Variants in ADCY10 observed in about 807,000 individuals in gnomAD.
ADCY10 encodes adenylate cyclase type 10.
ADCY10 carries 156 observed loss-of-function variants against 183.3 expected under a neutral mutation model. That is an observed-to-expected ratio of 0.85 (90% CI 0.75 to 0.97). ADCY10 has a LOEUF of 0.97. Ranked by LOEUF, ADCY10 falls within the 50% of genes least tolerant of loss-of-function variation. The pLI, the probability that ADCY10 is intolerant of heterozygous loss-of-function variation, is 0.00. For missense variants in ADCY10, 1,745 were observed against 1,934.3 expected, an observed-to-expected ratio of 0.90 and a Z score of 1.84; for synonymous variants, 645 against 670.0, an observed-to-expected ratio of 0.96 and a Z score of 0.58.
intron 14 of ADCY10, among the ~76,000 whole-genome samples, chr1:167,863,543 G>C (rs553878014): frequency 3.2e-4 from 48 of 152,156 alleles, no homozygotes; most frequent in Non-Finnish European, 6.5e-4. Context: ...CGGTGTCTGA[G>C]GGGTTTTGTC....
intron 2 of ADCY10, 82 bp from the exon 3 acceptor site, chr1:167,904,073 G>A (rs948325276): frequency 1.7e-5 from 14 of 834,628 alleles, no homozygotes; most frequent in African/African-American, 3.5e-5. Flanking sequence ...GGAAGGCAGC[G>A]GGCCTCAGCT....
intron 14 of ADCY10, among the ~76,000 whole-genome samples, chr1:167,865,861 A>T (rs187741470): frequency 2.1e-3 from 327 of 152,334 alleles, no homozygotes; most frequent in Non-Finnish European, 4.1e-3. Flanking sequence ...CCAGTCCACC[A>T]GGCGTGGGCT....
At chr1:167,834,177 G>A in intron 23 of ADCY10, 100 bp from the exon 24 acceptor site, 1 of 875,544 alleles carries the variant, frequency 1.1e-6, no homozygotes, top group Non-Finnish European at 1.9e-6. Context: ...AGATGCAGGA[G>A]CCATTTCAGT....
chr1:167,867,764 C>A (rs139876643), intron 14 of ADCY10, among the ~76,000 whole-genome samples: 43 of 151,230 alleles, frequency 2.8e-4, no homozygotes, highest in Middle Eastern at 6.8e-3. Flanking sequence ...GAATAAGATG[C>A]GGTTCTTTAA....
chr1:167,826,234 A>G (rs1192729485), intron 26 of ADCY10, among the ~76,000 whole-genome samples: 1 of 152,222 alleles, frequency 6.6e-6, no homozygotes, highest in Non-Finnish European at 1.5e-5. Context: ...GTGGGGGAAG[A>G]GAGAAGTGTT....
chr1:167,812,352 C>CA (rs1305150994), intron 31 of ADCY10, among the ~76,000 whole-genome samples: 1 of 152,154 alleles, frequency 6.6e-6, no homozygotes, highest in African/African-American at 2.4e-5. Context: ...CTAGGACATT[C>CA]AAAAGCAACT....
chr1:167,898,624 A>G (rs1669175549), intron 6 of ADCY10, among the ~76,000 whole-genome samples: 1 of 151,878 alleles, frequency 6.6e-6, no homozygotes, highest in Non-Finnish European at 1.5e-5. Flanking sequence ...AGAATGATTG[A>G]AGAGCATGGG....
chr1:167,833,710 A>C (rs1571249500), intron 24 of ADCY10, among the ~76,000 whole-genome samples: 2 of 149,228 alleles, frequency 1.3e-5, no homozygotes, highest in East Asian at 4.0e-4. Flanking sequence ...ACGCCACTGT[A>C]TTCCAGGCTG....
intron 2 of ADCY10, chr1:167,904,691 G>C: frequency 1.7e-6 from 1 of 601,538 alleles, no homozygotes; most frequent in Non-Finnish European, 2.9e-6. Flanking sequence ...ACTGGGATGT[G>C]TATGGGGCTT....
intron 12 of ADCY10, among the ~76,000 whole-genome samples, chr1:167,877,950 C>T (rs1315530135): frequency 6.6e-6 from 1 of 152,180 alleles, no homozygotes. Context: ...TTTTGAACAT[C>T]ACCATGAAAA....
At chr1:167,869,774 G>C (rs1173890128) in intron 14 of ADCY10, among the ~76,000 whole-genome samples, 2 of 152,012 alleles carry the variant, frequency 1.3e-5, no homozygotes, top group Non-Finnish European at 2.9e-5. Flanking sequence ...CCCTTAAAAG[G>C]GCAGAAGTTG....
intron 8 of ADCY10, among the ~76,000 whole-genome samples, chr1:167,887,296 C>G (rs144987010): frequency 0.012 from 1,800 of 152,302 alleles, 32 homozygotes; most frequent in African/African-American, 0.033. Context: ...GGAACCAACC[C>G]AAATGTCCAT....
chr1:167,826,142 A>G (rs1422848177), intron 26 of ADCY10, among the ~76,000 whole-genome samples: 1 of 152,178 alleles, frequency 6.6e-6, no homozygotes, highest in East Asian at 1.9e-4. Flanking sequence ...AAACCACATC[A>G]GTCTTAGAGA....
At chr1:167,833,385 T>C (rs908338481) in intron 24 of ADCY10, among the ~76,000 whole-genome samples, 7 of 152,226 alleles carry the variant, frequency 4.6e-5, no homozygotes, top group Admixed American at 4.6e-4. Flanking sequence ...GTGCATTGTC[T>C]ACCTCTGAGA....
intron 18 of ADCY10, among the ~76,000 whole-genome samples, chr1:167,853,124 A>G (rs549970184): frequency 2.0e-5 from 3 of 152,092 alleles, no homozygotes; most frequent in Non-Finnish European, 2.9e-5. Context: ...TCTCACACCT[A>G]TATTCTTGTC....
In ADCY10 at chr1:167,845,673, T is replaced by C. The variant is rs1244688567; in HGVS notation, c.2897A>G (p.His966Arg). ...FLEEDAHRCD[H>R]CRGRDFIPYH... ...GGGAATGAAGTCCCTGCCTCGGCAG[T>C]GGTCACATCTGTGGGCATCTTCTTC... is the stretch of plus-strand genomic sequence containing the variant. Residue 966 changes from histidine to arginine, a missense_variant, in exon 21 of 33, where the codon CAC becomes CGC. His to Arg is a conservative substitution (Grantham distance 29). Transcript: ENST00000367851. The C allele has an allele frequency of 3.7e-6, 6 of 1,614,264 alleles. No homozygotes were observed. Among genetic ancestry groups the C allele is most frequent in the Non-Finnish European group, 4.2e-6 (5 of 1,180,036 alleles).
chr1:167,822,955 C>A (rs571510826), intron 29 of ADCY10, 53 bp downstream of exon 29: 8 of 1,497,538 alleles, frequency 5.3e-6, no homozygotes, highest in Non-Finnish European at 6.5e-6. Context: ...CACACCACAC[C>A]AGCACAGGTA....
intron 5 of ADCY10, 66 bp downstream of exon 5, chr1:167,901,596 G>T: frequency 6.7e-7 from 1 of 1,500,926 alleles, no homozygotes; most frequent in Non-Finnish European, 9.3e-7. Context: ...TTGGGAGAGA[G>T]AGATGCCCCA....
intron 25 of ADCY10, among the ~76,000 whole-genome samples, 171 bp downstream of exon 25, chr1:167,832,816 C>G (rs7540535): frequency 6.6e-6 from 1 of 152,118 alleles, no homozygotes; most frequent in African/African-American, 2.4e-5. Flanking sequence ...TTGTGGCAAC[C>G]CTGGTATGGG....
Sources: gnomAD v4.1 joint callset for allele counts (sites outside exome capture counted in the v4.1 genomes callset) on GRCh38, gnomAD v4.1.1 for gene constraint, MANE v1.5 for transcripts, NCBI Gene and HGNC (gene_info 2026-07-23, HGNC 2026-07-21) for gene names.